The following CHST12 variants were observed in gnomAD, a reference collection of about 807,000 sequenced individuals.
The protein encoded by CHST12 is carbohydrate (chondroitin 4) sulfotransferase 12.
CHST12 carries 23 observed loss-of-function variants against 27.9 expected under a neutral mutation model. That is an observed-to-expected ratio of 0.82 (90% CI 0.59 to 1.17). CHST12 has a LOEUF of 1.17. CHST12 is among the 50% of genes most tolerant of loss of function. The pLI, the probability that CHST12 is intolerant of heterozygous loss-of-function variation, is 0.00. For synonymous variants in CHST12, 322 were observed against 273.0 expected, an observed-to-expected ratio of 1.18 and a Z score of -1.77; for missense variants, 682 against 603.0, an observed-to-expected ratio of 1.13 and a Z score of -1.37.
At chr7:2,427,501 G>GAA (rs975700956) in intron 1 of CHST12, among the ~76,000 whole-genome samples, 7 of 98,620 alleles carry the variant, frequency 7.1e-5, no homozygotes, top group Admixed American at 2.2e-4. Flanking sequence ...GCTCTGTCTT[G>GAA]AAAAAAAAAA....
At chr7:2,416,768 A>T (rs2115402804) in intron 1 of CHST12, among the ~76,000 whole-genome samples, 1 of 152,324 alleles carries the variant, frequency 6.6e-6, no homozygotes, top group South Asian at 2.1e-4. Context: ...GAAGAAAAGG[A>T]GGTGGAGTAG....
chr7:2,414,993 T>C (rs1781767046), intron 1 of CHST12, among the ~76,000 whole-genome samples: 1 of 152,214 alleles, frequency 6.6e-6, no homozygotes, highest in African/African-American at 2.4e-5. Flanking sequence ...TGTTGCAGGT[T>C]CAGTTCTGGA....
intron 1 of CHST12, among the ~76,000 whole-genome samples, chr7:2,418,878 C>T (rs566007794): frequency 4.6e-5 from 7 of 152,204 alleles, no homozygotes; most frequent in Non-Finnish European, 1.0e-4. Context: ...CTTACTGCAG[C>T]CTTGACCTCC....
rs1782693120 is a variant in CHST12 at position 2,444,308 on chromosome 7, A to AT, written c.*10425dup. The AT allele has an allele frequency of 6.9e-6, 1 of 145,468 alleles. No individual in the cohort carries two copies. Among genetic ancestry groups the AT allele is most frequent in the African/African-American group, 2.5e-5 (1 of 39,720 alleles). 9.0% of individuals were successfully genotyped at this position (145,468 alleles called of 1,614,324 possible). On this transcript the variant is annotated 3_prime_UTR_variant, in exon 2 of 2. Coordinates refer to ENST00000618655, the MANE Select transcript of CHST12 (RefSeq NM_018641.5). ...CAAAAAAAAAAAAAAAAAAAAAAAA[A>AT]TACAAAAATTAGCTGGGTGTGGTGG...
intron 1 of CHST12, among the ~76,000 whole-genome samples, chr7:2,409,509 G>A (rs1055051014): frequency 1.3e-5 from 2 of 152,032 alleles, no homozygotes; most frequent in Admixed American, 1.3e-4. Context: ...CTCCTTGGGA[G>A]GCTGAGGTGG....
intron 1 of CHST12, among the ~76,000 whole-genome samples, chr7:2,430,081 C>A (rs893231561): frequency 6.6e-5 from 10 of 152,150 alleles, no homozygotes; most frequent in African/African-American, 2.4e-4. Flanking sequence ...CCGTGCCCGG[C>A]CTTTTCTGCT....
chr7:2,428,853 T>C (rs529520025), intron 1 of CHST12, among the ~76,000 whole-genome samples: 6 of 152,294 alleles, frequency 3.9e-5, no homozygotes, highest in Admixed American at 3.9e-4. Context: ...GACGTGAAGC[T>C]AGACAGCCAG....
At chr7:2,421,665 G>A (rs1012132978) in intron 1 of CHST12, among the ~76,000 whole-genome samples, 3 of 151,960 alleles carry the variant, frequency 2.0e-5, no homozygotes, top group Non-Finnish European at 2.9e-5. Context: ...TCAAACTCCT[G>A]AGCTCAAGTG....
At position 2,443,755 on chromosome 7, in the gene CHST12, A is replaced by G. The variant is rs1191533071; in HGVS notation, c.*9871A>G. 6.6e-6 allele frequency: 1 copy of G among 152,154 alleles called. No individual in the cohort carries two copies. Among genetic ancestry groups the G allele is most frequent in the Non-Finnish European group, 1.5e-5 (1 of 68,036 alleles). The allele number at this position is 152,154 out of a possible 1,614,324, so 9.4% of individuals were successfully genotyped here. A position where few individuals can be genotyped will look rare whatever the true frequency, so the allele number is the denominator to read the frequency against. ...CTCTGGCGGACAGTCAGGTATGCTG[A>G]GGGAGACACTGTTCTCAAACTCCAG... On this transcript the variant is annotated 3_prime_UTR_variant, in exon 2 of 2. Coordinates refer to ENST00000618655, the MANE Select transcript of CHST12 (RefSeq NM_018641.5).
chr7:2,405,457 C>G (rs1781498106), intron 1 of CHST12, among the ~76,000 whole-genome samples: 1 of 152,164 alleles, frequency 6.6e-6, no homozygotes, highest in African/African-American at 2.4e-5. Flanking sequence ...AGATGGGTTT[C>G]TGATTGTGCA....
intron 1 of CHST12, among the ~76,000 whole-genome samples, chr7:2,421,322 T>G (rs1200290833): frequency 6.7e-6 from 1 of 149,784 alleles, no homozygotes; most frequent in Non-Finnish European, 1.5e-5. Flanking sequence ...CATAGCTCAC[T>G]GCAGCCTCAA....
At chr7:2,409,275 C>G (rs974580447) in intron 1 of CHST12, among the ~76,000 whole-genome samples, 1 of 152,090 alleles carries the variant, frequency 6.6e-6, no homozygotes, top group Non-Finnish European at 1.5e-5. Flanking sequence ...AGCTGAACAA[C>G]CAAGGTTCAC....
In CHST12 at chr7:2,434,147, T is replaced by G; in HGVS notation, c.*263T>G. The stretch of plus-strand genomic sequence containing the variant: ...CCGCTCGCCCGCTCGCCCGCTCCTG[T>G]GGTTTTTCTGAGCGTGCGGGCGCCG... On this transcript the variant is annotated 3_prime_UTR_variant, in exon 2 of 2. Coordinates refer to ENST00000618655, the MANE Select transcript of CHST12 (RefSeq NM_018641.5). 3.8e-6 allele frequency: 1 copy of G among 260,516 alleles called. No individual in the cohort carries two copies. Among genetic ancestry groups the G allele is most frequent in the Non-Finnish European group, 7.1e-6 (1 of 141,700 alleles). 16.1% of individuals were successfully genotyped at this position (260,516 alleles called of 1,614,324 possible).
chr7:2,433,409 GC>G lies in CHST12; in HGVS notation c.771del (p.Ser257ArgfsTer172). On this transcript the variant is annotated frameshift_variant, in exon 2 of 2. Coordinates refer to ENST00000618655, the MANE Select transcript of CHST12 (RefSeq NM_018641.5). LOFTEE classifies it high-confidence loss of function. This position sits in a 1 kb window ranked among gnomAD's most constrained non-coding sequence, Gnocchi z 6.1. ...GTGCGCCTGATCTCCGCCTTCCGCA[GC>G]AAGTTCGAGCTGGAGAACGAGGAGT... ...PFVRLISAFR[S>X]KFELENEEFY... The G allele has an allele frequency of 6.2e-7, 1 of 1,609,514 alleles. No homozygotes were observed. The highest frequency in any genetic ancestry group is 8.5e-7 in the Non-Finnish European group (1 of 1,179,910).
At position 2,447,004 on chromosome 7, in the gene CHST12, G is replaced by A. The variant is rs1782772767; in HGVS notation, c.*13120G>A. 6.6e-6 allele frequency: 1 copy of A among 152,288 alleles called. No individual in the cohort carries two copies. The highest frequency in any genetic ancestry group is 1.5e-5 in the Non-Finnish European group (1 of 68,094). 9.4% of individuals were successfully genotyped at this position (152,288 alleles called of 1,614,324 possible). ...TTTTTCTGGGGTCCTGGAGGCTTCT[G>A]GCCCATGGGGAGCCCCTGGGTCCCA... is the stretch of plus-strand genomic sequence containing the variant. On this transcript the variant is annotated 3_prime_UTR_variant, in exon 2 of 2. Transcript: ENST00000618655.
chr7:2,433,879 G>T lies in CHST12; in HGVS notation c.1240G>T (p.Asp414Tyr), dbSNP rs1225344030. 3 of 1,562,956 alleles carry T rather than the reference G, an allele frequency of 1.9e-6. No homozygotes were observed. The highest frequency in any genetic ancestry group is 1.4e-5 in the African/African-American group (1 of 72,684). ...GYPKPENLLRD is the reference protein window; with the variant it reads ...GYPKPENLLRY Reference sequence around the variant, plus strand: ...CCCCAAGCCCGAAAACCTCCTCCGAGACTGAAAGCTTTCGCGTTGCTTTTT... The same window carrying T: ...CCCCAAGCCCGAAAACCTCCTCCGATACTGAAAGCTTTCGCGTTGCTTTTT... The change falls in exon 2 of 2, where the codon GAC (aspartate) becomes TAC (tyrosine). Residue 414 changes from aspartate (D) to tyrosine (Y), a missense_variant. Transcript: ENST00000618655. The surrounding 1 kb of genome is among the most constrained non-coding windows in gnomAD (Gnocchi z 6.1).
Position 2,426,139 on chromosome 7 carries a change from T to A in CHST12, c.-77-6424T>A, listed in dbSNP as rs575019235. 2.2e-4 allele frequency among the ~76,000 whole-genome samples: 34 copies of A among 152,272 alleles called. 1 individual carries two copies. The East Asian group carries it at 6.0e-3, about 27-fold the overall frequency. ...GGCAGCTGGCTGTGGGGACGAATAT[T>A]CAGGGGGCTGGGACTCATTTCTGTA... is the stretch of plus-strand genomic sequence containing the variant. On this transcript the variant is annotated intron_variant, in intron 1 of 1. Transcript: ENST00000618655.
At position 2,433,135 on chromosome 7, in the gene CHST12, A is replaced by G. The variant is rs1187709930; in HGVS notation, c.496A>G (p.Ile166Val). 3 of 1,612,652 alleles carry G rather than the reference A, an allele frequency of 1.9e-6. No individual in the cohort carries two copies. Among genetic ancestry groups the G allele is most frequent in the Middle Eastern group, 1.6e-4 (1 of 6,080 alleles). ...HLIVDDRHGA[I>V]YCYVPKVACT... Reference sequence around the variant, plus strand: ...GATCGTGGACGACCGGCACGGGGCCATCTACTGCTACGTGCCCAAGGTGGC... The same window carrying G: ...GATCGTGGACGACCGGCACGGGGCCGTCTACTGCTACGTGCCCAAGGTGGC... Residue 166 changes from isoleucine to valine, a missense_variant, in exon 2 of 2, where the codon ATC becomes GTC. Ile to Val is a conservative substitution (Grantham distance 29). Transcript: ENST00000618655. The surrounding 1 kb of genome is among the most constrained non-coding windows in gnomAD (Gnocchi z 6.1).
chr7:2,426,631 G>A (rs1364567072), intron 1 of CHST12, among the ~76,000 whole-genome samples: 1 of 151,630 alleles, frequency 6.6e-6, no homozygotes, highest in African/African-American at 2.4e-5. Context: ...GTTAGCTGTA[G>A]GTTTTTTTTT....
Sources: allele counts gnomAD v4.1 joint callset (sites outside exome capture counted in the v4.1 genomes callset), GRCh38; gene constraint gnomAD v4.1.1; non-coding constraint Gnocchi (gnomAD v3.1); transcripts MANE v1.5; gene names NCBI Gene and HGNC (gene_info 2026-07-23, HGNC 2026-07-21).